THRB: variants seen among roughly 807,000 people sequenced by gnomAD.
THRB encodes the protein nuclear receptor subfamily 1 group A member 2.
In THRB, 12 loss-of-function variants were observed where a neutral mutation model predicts 47.8. The ratio of observed to expected loss-of-function variants is 0.25; its 90% CI spans 0.16 to 0.41. The LOEUF (loss-of-function observed/expected upper bound fraction) is 0.41. Among genes scored for constraint, THRB ranks in the 10% least tolerant of loss-of-function variants. THRB has a pLI of 1.00. For synonymous variants in THRB, 218 were observed against 212.2 expected, an observed-to-expected ratio of 1.03 and a Z score of -0.24; for missense variants, 348 against 589.2, an observed-to-expected ratio of 0.59 and a Z score of 4.24.
chr3:24,141,175 G>A (rs2035393790), intron 8 of THRB, among the ~76,000 whole-genome samples: 1 of 152,210 alleles, frequency 6.6e-6, no homozygotes, highest in South Asian at 2.1e-4. Context: ...TAATCTCATG[G>A]TTCTGACAGA....
chr3:24,241,861 G>C (rs964628207), intron 3 of THRB, among the ~76,000 whole-genome samples: 2 of 152,094 alleles, frequency 1.3e-5, no homozygotes, highest in East Asian at 3.9e-4. Flanking sequence ...CTATGTTTCT[G>C]ATGCACACTT....
At chr3:24,218,829 A>G (rs2046876960) in intron 4 of THRB, among the ~76,000 whole-genome samples, 1 of 152,218 alleles carries the variant, frequency 6.6e-6, no homozygotes, top group Non-Finnish European at 1.5e-5. Context: ...GGGACTGCTC[A>G]CCAGAGTGCT....
At chr3:24,175,115 A>G (rs1420596802) in intron 5 of THRB, among the ~76,000 whole-genome samples, 3 of 152,202 alleles carry the variant, frequency 2.0e-5, no homozygotes, top group African/African-American at 4.8e-5. Context: ...AAATTACTAA[A>G]CAATCTTTGC....
chr3:24,143,886 T>C, intron 7 of THRB, 180 bp from the exon 8 acceptor site: 1 of 650,518 alleles, frequency 1.5e-6, no homozygotes, highest in Non-Finnish European at 2.7e-6. Flanking sequence ...TGACTAGTCT[T>C]GTCCAACATG....
chr3:24,146,995 G>C (rs1356182482), intron 6 of THRB, among the ~76,000 whole-genome samples, 173 bp from the exon 7 acceptor site: 2 of 152,168 alleles, frequency 1.3e-5, no homozygotes, highest in African/African-American at 2.4e-5. Context: ...AGGATCTAGA[G>C]AGTTCTAAAT....
intron 2 of THRB, among the ~76,000 whole-genome samples, chr3:24,335,353 A>G (rs546440709): frequency 6.6e-6 from 1 of 152,320 alleles, no homozygotes; most frequent in Admixed American, 6.5e-5. Context: ...TGAACAAAAA[A>G]TATTAGAACA....
chr3:24,191,730 C>T (rs1047329737), intron 4 of THRB, among the ~76,000 whole-genome samples: 7 of 152,228 alleles, frequency 4.6e-5, no homozygotes, highest in Admixed American at 1.3e-4. Context: ...ATTTACCCTT[C>T]CGGGTTTTCA....
At chr3:24,352,755 T>C (rs753749345) in intron 1 of THRB, among the ~76,000 whole-genome samples, 10 of 152,128 alleles carry the variant, frequency 6.6e-5, no homozygotes, top group African/African-American at 1.7e-4. Context: ...ACACATATAC[T>C]ACATATCCAT....
At chr3:24,231,689 A>T (rs1293658987) in intron 3 of THRB, among the ~76,000 whole-genome samples, 1 of 152,108 alleles carries the variant, frequency 6.6e-6, no homozygotes, top group Non-Finnish European at 1.5e-5. Context: ...ACAATCCCCC[A>T]GGGAAGGCAG....
rs145431701 is a variant in THRB at position 24,204,770 on chromosome 3, A to T, written c.23-14436T>A. 1.6e-3 allele frequency among the ~76,000 whole-genome samples: 246 copies of T among 152,326 alleles called. 1 individual carries two copies. The highest frequency in any genetic ancestry group is 6.8e-3 in the Middle Eastern group (2 of 294). ...AAAACCTTGAAAAAAGATTAGACGA[A>T]TGGCTAACTACAATTACCAGTGTAG... On this transcript the variant is annotated intron_variant, in intron 4 of 10. Transcript: ENST00000646209.
chr3:24,454,475 C>T (rs2072977471), intron 1 of THRB, among the ~76,000 whole-genome samples: 1 of 152,100 alleles, frequency 6.6e-6, no homozygotes, highest in Admixed American at 6.6e-5. Context: ...AAAAATCACT[C>T]AATTGTGTGC....
intron 1 of THRB, among the ~76,000 whole-genome samples, chr3:24,363,637 A>G (rs2064232504): frequency 6.6e-6 from 1 of 152,186 alleles, no homozygotes; most frequent in African/African-American, 2.4e-5. Context: ...TGTCTGAAGA[A>G]AAGATATATA....
At position 24,174,978 on chromosome 3, in the gene THRB, G is replaced by A. The variant is rs570584528; in HGVS notation, c.283+15096C>T. 8.5e-5 allele frequency among the ~76,000 whole-genome samples: 13 copies of A among 152,302 alleles called. No homozygotes were observed. In the East Asian group the frequency reaches 2.3e-3, roughly 27 times the overall value. ...GCCCTTATGCCATTTAGCAGCTTACGCTGGAGTCTGGGAAACTGTAGGGCT... is the reference window on the plus strand; with the variant it reads ...GCCCTTATGCCATTTAGCAGCTTACACTGGAGTCTGGGAAACTGTAGGGCT... On this transcript the variant is annotated intron_variant, in intron 5 of 10. Coordinates refer to ENST00000646209, the MANE Select transcript of THRB (RefSeq NM_001354712.2).
chr3:24,244,966 C>G (rs1439019748), intron 3 of THRB, among the ~76,000 whole-genome samples: 1 of 152,186 alleles, frequency 6.6e-6, no homozygotes, highest in Non-Finnish European at 1.5e-5. Flanking sequence ...TTTCTCTGCT[C>G]AAAATCTTGA....
At chr3:24,254,332 T>A (rs989291466) in intron 3 of THRB, among the ~76,000 whole-genome samples, 3 of 149,302 alleles carry the variant, frequency 2.0e-5, no homozygotes, top group Non-Finnish European at 4.4e-5. Flanking sequence ...GAGGCAAAGC[T>A]TGCAGTGAGC....
At chr3:24,395,216 GC>G (rs1577296263) in intron 1 of THRB, among the ~76,000 whole-genome samples, 1 of 152,144 alleles carries the variant, frequency 6.6e-6, no homozygotes, top group East Asian at 1.9e-4. Context: ...GTTATGCAAA[GC>G]TTTTTTTAGA....
intron 2 of THRB, among the ~76,000 whole-genome samples, chr3:24,309,528 A>G (rs1358255520): frequency 6.6e-6 from 1 of 152,162 alleles, no homozygotes; most frequent in African/African-American, 2.4e-5. Flanking sequence ...ATAAAATTCT[A>G]CTGTATTTGT....
intron 3 of THRB, among the ~76,000 whole-genome samples, chr3:24,269,538 G>C (rs2053100803): frequency 6.6e-6 from 1 of 151,836 alleles, no homozygotes; most frequent in Non-Finnish European, 1.5e-5. Context: ...TGATGCTCCT[G>C]CTTCAGCCTC....
At chr3:24,130,834 G>A (rs906992693) in intron 9 of THRB, among the ~76,000 whole-genome samples, 1 of 152,142 alleles carries the variant, frequency 6.6e-6, no homozygotes, top group Non-Finnish European at 1.5e-5. Flanking sequence ...ACATTCACAG[G>A]AGCATATTTT....
Sources: allele counts gnomAD v4.1 joint callset (sites outside exome capture counted in the v4.1 genomes callset), GRCh38; gene constraint gnomAD v4.1.1; transcripts MANE v1.5; gene names NCBI Gene and HGNC (gene_info 2026-07-23, HGNC 2026-07-21).